The following TMED3 variants were observed in gnomAD, a reference collection of about 807,000 sequenced individuals.
The protein encoded by TMED3 is transmembrane p24 trafficking protein 3, also known as transmembrane emp24 domain-containing protein 3.
A neutral mutation model predicts 15.0 loss-of-function variants in TMED3; 9 were observed. That is an observed-to-expected ratio of 0.60 (90% CI 0.36 to 1.04). TMED3 has a LOEUF of 1.04. TMED3 is among the 50% of genes least tolerant of loss of function. The probability of loss-of-function intolerance (pLI) is 0.01; values close to 1 mark genes in which losing one functional copy is unlikely to be tolerated. For synonymous variants in TMED3, 117 were observed against 121.4 expected (o/e 0.96, Z 0.24); for missense variants, 267 against 278.9 (o/e 0.96, Z 0.30).
At chr15:79,384,791 G>A (rs1270602720) in intron 2 of TMED3, 2 of 152,232 alleles carry the variant, frequency 1.3e-5, no homozygotes, top group Non-Finnish European at 2.9e-5. Flanking sequence ...GGTGGCCGAG[G>A]TGGGAGAATC....
intron 2 of TMED3, among the ~76,000 whole-genome samples, chr15:79,377,406 C>T (rs528809716): frequency 4.6e-5 from 7 of 152,054 alleles, no homozygotes; most frequent in Non-Finnish European, 7.4e-5. Context: ...GTCTCTAATA[C>T]AGTGTCTGAA....
chr15:79,311,167 AG>A lies in TMED3; in HGVS notation c.-81del. ...CACGTCTATCCCCTTACATCCTCCT[AG>A]GACCCGGTCGGTAGTCGTCGCCCCA... On this transcript the variant is annotated 5_prime_UTR_variant, in exon 1 of 3. Transcript: ENST00000299705. 1 of 1,454,926 alleles carries A rather than the reference AG, an allele frequency of 6.9e-7. No individual in the cohort carries two copies. Among genetic ancestry groups the A allele is most frequent in the Non-Finnish European group, 9.1e-7 (1 of 1,094,188 alleles). 90.1% of individuals were successfully genotyped at this position (1,454,926 alleles called of 1,614,324 possible).
At chr15:79,401,928 G>A (rs867273512) in intron 2 of TMED3, among the ~76,000 whole-genome samples, 1 of 152,162 alleles carries the variant, frequency 6.6e-6, no homozygotes, top group Non-Finnish European at 1.5e-5. Flanking sequence ...TTCATGAAGA[G>A]TATCCTCAGT....
intron 2 of TMED3, among the ~76,000 whole-genome samples, chr15:79,318,601 A>G: frequency 6.6e-6 from 1 of 152,250 alleles, no homozygotes; most frequent in East Asian, 1.9e-4. Context: ...GGCAGGGAGC[A>G]CTAGGGAGGC....
intron 2 of TMED3, among the ~76,000 whole-genome samples, chr15:79,317,882 C>T (rs550258607): frequency 6.6e-6 from 1 of 152,340 alleles, no homozygotes; most frequent in African/African-American, 2.4e-5. Flanking sequence ...TCGCATACAT[C>T]CCTTTCTGCA....
chr15:79,371,044 T>C (rs372209996), intron 2 of TMED3, among the ~76,000 whole-genome samples: 1 of 152,228 alleles, frequency 6.6e-6, no homozygotes, highest in African/African-American at 2.4e-5. Flanking sequence ...ACTGAAAGAA[T>C]AGTCATCTGC....
chr15:79,378,274 A>G (rs1893464194), intron 2 of TMED3, among the ~76,000 whole-genome samples: 1 of 152,218 alleles, frequency 6.6e-6, no homozygotes, highest in Non-Finnish European at 1.5e-5. Context: ...GTATTGTGTT[A>G]TTTACGGTAG....
intron 2 of TMED3, among the ~76,000 whole-genome samples, chr15:79,400,623 A>G (rs1893822022): frequency 6.6e-6 from 1 of 152,220 alleles, no homozygotes. Flanking sequence ...GGAAAGTAGG[A>G]GAGTAAGTGA....
chr15:79,324,297 G>A (rs1439640345), downstream of TMED3, among the ~76,000 whole-genome samples: 1 of 152,158 alleles, frequency 6.6e-6, no homozygotes, highest in African/African-American at 2.4e-5. Flanking sequence ...GGCCCCAGAA[G>A]AAATATTTTT....
intron 2 of TMED3, 69 bp from the exon 3 acceptor site, chr15:79,321,909 T>C (rs2141218065): frequency 4.6e-6 from 7 of 1,532,932 alleles, no homozygotes; most frequent in Non-Finnish European, 6.2e-6. Flanking sequence ...GACAACAGCA[T>C]TTGCTGTTTG....
At chr15:79,335,354 A>G (rs562761722) in intron 2 of TMED3, among the ~76,000 whole-genome samples, 2 of 152,336 alleles carry the variant, frequency 1.3e-5, no homozygotes, top group East Asian at 3.9e-4. Flanking sequence ...CAAAAAAGCA[A>G]GTAACCTGTC....
At chr15:79,326,460 G>T (rs1288931906), downstream of TMED3, among the ~76,000 whole-genome samples, 1 of 152,158 alleles carries the variant, frequency 6.6e-6, no homozygotes, top group East Asian at 1.9e-4. Context: ...GTTCTCTCTG[G>T]TTCTATAAGG....
chr15:79,377,604 C>T (rs1893449040), intron 2 of TMED3, among the ~76,000 whole-genome samples: 1 of 150,978 alleles, frequency 6.6e-6, no homozygotes, highest in African/African-American at 2.4e-5. Context: ...CAACTTAAGG[C>T]AAACGATCAT....
Position 79,311,156 on chromosome 15 carries a change from TAC to T in TMED3, c.-92_-91del. On this transcript the variant is annotated 5_prime_UTR_variant, in exon 1 of 3. Transcript: ENST00000299705. ...TCCGCTGGTGCCACGTCTATCCCCT[TAC>T]ATCCTCCTAGGACCCGGTCGGTAGT... 1 of 1,389,484 alleles carries T rather than the reference TAC, an allele frequency of 7.2e-7. No homozygotes were observed. The allele number at this position is 1,389,484 out of a possible 1,614,324, so 86.1% of individuals were successfully genotyped here.
intron 2 of TMED3, among the ~76,000 whole-genome samples, chr15:79,346,724 T>A (rs1386202786): frequency 6.6e-6 from 1 of 152,168 alleles, no homozygotes; most frequent in African/African-American, 2.4e-5. Context: ...CCAGTTTCAA[T>A]CTCCTGCCTA....
At chr15:79,388,043 G>T (rs1467368978) in intron 2 of TMED3, among the ~76,000 whole-genome samples, 1 of 151,942 alleles carries the variant, frequency 6.6e-6, no homozygotes, top group Non-Finnish European at 1.5e-5. Context: ...GAAAATATAG[G>T]ATTTTTTTCC....
intron 2 of TMED3, among the ~76,000 whole-genome samples, chr15:79,400,620 A>G (rs1893821946): frequency 6.6e-6 from 1 of 152,220 alleles, no homozygotes; most frequent in African/African-American, 2.4e-5. Context: ...ACAGGAAAGT[A>G]GGAGAGTAAG....
chr15:79,372,640 T>TCA (rs1172901427), intron 2 of TMED3, among the ~76,000 whole-genome samples: 1 of 152,112 alleles, frequency 6.6e-6, no homozygotes, highest in Non-Finnish European at 1.5e-5. Context: ...TGAGACTCAT[T>TCA]CACTATCAGC....
At chr15:79,330,560 C>T (rs1246190065) in intron 2 of TMED3, among the ~76,000 whole-genome samples, 1 of 152,102 alleles carries the variant, frequency 6.6e-6, no homozygotes, top group African/African-American at 2.4e-5. Flanking sequence ...AAAAAATTCC[C>T]ATGCTCATGG....
Sources: gnomAD v4.1 joint callset for allele counts (sites outside exome capture counted in the v4.1 genomes callset) on GRCh38, gnomAD v4.1.1 for gene constraint, MANE v1.5 for transcripts, NCBI Gene and HGNC (gene_info 2026-07-23, HGNC 2026-07-21) for gene names.